DCC: variants seen among roughly 807,000 people sequenced by gnomAD.
DCC encodes the protein DCC netrin 1 receptor.
DCC carries 58 observed loss-of-function variants against 172.5 expected under a neutral mutation model. The ratio of observed to expected loss-of-function variants is 0.34; its 90% CI spans 0.27 to 0.42. The LOEUF is 0.42. Among genes scored for constraint, DCC ranks in the 10% least tolerant of loss-of-function variants. DCC has a pLI of 1.00. For missense variants in DCC, 1,740 were observed against 1,791.0 expected, an observed-to-expected ratio of 0.97 and a Z score of 0.51; for synonymous variants, 709 against 644.5, an observed-to-expected ratio of 1.10 and a Z score of -1.52.
chr18:53,351,313 ATACACTG>A (rs1182985265), intron 15 of DCC, among the ~76,000 whole-genome samples: 7 of 24,634 alleles, frequency 2.8e-4, no homozygotes, highest in Non-Finnish European at 5.5e-4. Context: ...ATATATATAT[ATACACTG>A]TATATATATA....
chr18:52,386,795 G>A (rs572211816), intron 1 of DCC, among the ~76,000 whole-genome samples: 6 of 152,016 alleles, frequency 3.9e-5, no homozygotes, highest in Non-Finnish European at 8.8e-5. Flanking sequence ...TATTACAATT[G>A]CACACATAGT....
At chr18:53,124,511 T>C (rs2043527322) in intron 7 of DCC, among the ~76,000 whole-genome samples, 1 of 152,078 alleles carries the variant, frequency 6.6e-6, no homozygotes, top group Non-Finnish European at 1.5e-5. Context: ...CTTGTTGAAC[T>C]CTCTACATTC....
intron 5 of DCC, among the ~76,000 whole-genome samples, chr18:53,016,292 T>C (rs947003633): frequency 2.5e-4 from 38 of 152,196 alleles, no homozygotes; most frequent in African/African-American, 9.1e-4. Flanking sequence ...ACTAAAACCA[T>C]TGATAAAAAA....
chr18:53,448,876 G>C lies in DCC; in HGVS notation c.3230-1624G>C, dbSNP rs558349921. Among the ~76,000 whole-genome samples, 27 of 152,222 alleles carry C rather than the reference G, an allele frequency of 1.8e-4. No homozygotes were observed. The South Asian group carries it at 3.1e-3, about 18-fold the overall frequency. On this transcript the variant is annotated intron_variant, in intron 22 of 28. Coordinates refer to ENST00000442544, the MANE Select transcript of DCC (RefSeq NM_005215.4). ...TCAAAAAAAAATCCTTTACAGTCTG[G>C]AAGTTCACACCATAAGTCCCAAATG...
At chr18:53,516,219 A>G (rs2046332316) in intron 27 of DCC, among the ~76,000 whole-genome samples, 1 of 151,162 alleles carries the variant, frequency 6.6e-6, no homozygotes, top group African/African-American at 2.5e-5. Flanking sequence ...CTATTTAATA[A>G]ATGGTGATGG....
chr18:52,681,201 G>A (rs906924466), intron 1 of DCC, among the ~76,000 whole-genome samples: 12 of 152,072 alleles, frequency 7.9e-5, no homozygotes, highest in African/African-American at 2.9e-4. Flanking sequence ...TGAGTTCTCA[G>A]TTAGTGGGCG....
intron 12 of DCC, among the ~76,000 whole-genome samples, chr18:53,301,000 T>TTTCTTTCTTTCTTTCCTTTCTTTC: frequency 9.7e-6 from 1 of 102,984 alleles, no homozygotes; most frequent in Admixed American, 1.1e-4. Context: ...TTTTTTTTTC[T>TTTCTTTCTTTCTTTCCTTTCTTTC]TTTCTTTCTT....
chr18:53,267,147 T>TAG (rs781656282), intron 12 of DCC, among the ~76,000 whole-genome samples: 21 of 150,208 alleles, frequency 1.4e-4, no homozygotes, highest in East Asian at 3.9e-4. Flanking sequence ...TATATATATA[T>TAG]ATAGAGAGAG....
chr18:52,621,944 T>C (rs2144861137), intron 1 of DCC, among the ~76,000 whole-genome samples: 1 of 152,316 alleles, frequency 6.6e-6, no homozygotes, highest in Middle Eastern at 3.4e-3. Flanking sequence ...TAGAGTGAAA[T>C]ATACCTCATT....
intron 27 of DCC, among the ~76,000 whole-genome samples, chr18:53,519,015 A>T (rs1160260319): frequency 6.6e-6 from 1 of 152,136 alleles, no homozygotes; most frequent in East Asian, 1.9e-4. Flanking sequence ...AAATTATTGC[A>T]ATTTGAGTTA....
At chr18:52,866,911 A>T (rs555554041) in intron 2 of DCC, among the ~76,000 whole-genome samples, 1 of 152,210 alleles carries the variant, frequency 6.6e-6, no homozygotes, top group African/African-American at 2.4e-5. Context: ...CACTTCCAAT[A>T]CTATGTTGAA....
At chr18:53,258,621 T>C (rs1287911592) in intron 12 of DCC, among the ~76,000 whole-genome samples, 1 of 152,214 alleles carries the variant, frequency 6.6e-6, no homozygotes, top group Non-Finnish European at 1.5e-5. Flanking sequence ...TGAGGAGTTC[T>C]TTACTTCCAA....
At chr18:52,860,524 A>C (rs1366087072) in intron 2 of DCC, among the ~76,000 whole-genome samples, 1 of 152,256 alleles carries the variant, frequency 6.6e-6, no homozygotes, top group Non-Finnish European at 1.5e-5. Flanking sequence ...ATCTAAAAAC[A>C]TATGTACTAC....
At chr18:52,699,335 T>A (rs963352642) in intron 1 of DCC, among the ~76,000 whole-genome samples, 4 of 152,140 alleles carry the variant, frequency 2.6e-5, no homozygotes, top group African/African-American at 9.7e-5. Context: ...GGTCTCATGC[T>A]AGGAGCTCAT....
chr18:53,350,002 A>G (rs1040585687), intron 15 of DCC, among the ~76,000 whole-genome samples: 17 of 152,222 alleles, frequency 1.1e-4, no homozygotes, highest in African/African-American at 4.1e-4. Context: ...TTTATAAAGT[A>G]TAGTGTTCAA....
chr18:52,593,386 C>G lies in DCC; in HGVS notation c.92-158668C>G, dbSNP rs374649055. On this transcript the variant is annotated intron_variant, in intron 1 of 28. Coordinates refer to ENST00000442544, the MANE Select transcript of DCC (RefSeq NM_005215.4). ...TCCCACTAGTATCCAAAATACATAT[C>G]ATTCATGTCAAGACTTTGGGTTGAA... 2.5e-3 allele frequency among the ~76,000 whole-genome samples: 377 copies of G among 152,294 alleles called. 4 individuals carry two copies. The highest frequency in any genetic ancestry group is 0.02 in the South Asian group (95 of 4,824).
rs1033893345 is a variant in DCC at position 52,953,021 on chromosome 18, A to G, written c.985+27651A>G. ...GTCTCAAAAAAAAAAAAAAAAAAAA[A>G]AAAAAAACTCATAACATTGCCTTTA... On this transcript the variant is annotated intron_variant, in intron 5 of 28. Transcript: ENST00000442544. 3.3e-5 allele frequency among the ~76,000 whole-genome samples: 5 copies of G among 151,012 alleles called. No homozygotes were observed. The East Asian group carries it at 5.8e-4, about 18-fold the overall frequency.
At chr18:52,677,473 A>G (rs1038750903) in intron 1 of DCC, among the ~76,000 whole-genome samples, 5 of 151,846 alleles carry the variant, frequency 3.3e-5, no homozygotes, top group Admixed American at 2.6e-4. Flanking sequence ...TGGTTCTGTG[A>G]TGCTTCTTTT....
chr18:53,313,349 G>C (rs545212950), intron 13 of DCC, among the ~76,000 whole-genome samples: 2 of 152,208 alleles, frequency 1.3e-5, no homozygotes, highest in Admixed American at 6.5e-5. Context: ...GGGTACAAGT[G>C]ATTCTCCCAC....
Sources: gnomAD v4.1 joint callset for allele counts (sites outside exome capture counted in the v4.1 genomes callset) on GRCh38, gnomAD v4.1.1 for gene constraint, MANE v1.5 for transcripts, NCBI Gene and HGNC (gene_info 2026-07-23, HGNC 2026-07-21) for gene names.